The following NPAT variants were observed in gnomAD, a reference collection of about 807,000 sequenced individuals.
NPAT encodes the protein nuclear protein, coactivator of histone transcription, also known as protein NPAT.
A neutral mutation model predicts 130.7 loss-of-function variants in NPAT; 52 were observed. That is an observed-to-expected ratio of 0.40 (90% CI 0.32 to 0.50). The LOEUF (loss-of-function observed/expected upper bound fraction) is 0.50. Among genes scored for constraint, NPAT ranks in the 20% least tolerant of loss-of-function variants. The pLI, the probability that NPAT is intolerant of heterozygous loss-of-function variation, is 0.68. For missense variants in NPAT, 1,687 were observed against 1,662.6 expected (o/e 1.01, Z -0.26); for synonymous variants, 580 against 584.8 (o/e 0.99, Z 0.12).
intron 4 of NPAT, among the ~76,000 whole-genome samples, 191 bp from the exon 5 acceptor site, chr11:108,190,691 T>G (rs960947473): frequency 6.6e-6 from 1 of 152,212 alleles, no homozygotes; most frequent in Non-Finnish European, 1.5e-5. Context: ...AATAGTGGCA[T>G]GTAGACACAC....
intron 1 of NPAT, among the ~76,000 whole-genome samples, chr11:108,218,505 T>C (rs1386399575): frequency 1.3e-5 from 2 of 152,252 alleles, no homozygotes; most frequent in Non-Finnish European, 2.9e-5. Flanking sequence ...AAGCCGTACC[T>C]TATGTTGTCT....
chr11:108,192,659 A>G (rs568796429), intron 3 of NPAT, among the ~76,000 whole-genome samples: 2 of 152,276 alleles, frequency 1.3e-5, no homozygotes, highest in Admixed American at 1.3e-4. Context: ...GGGTTATTCT[A>G]AAGACTAAAT....
intron 1 of NPAT, among the ~76,000 whole-genome samples, chr11:108,207,294 A>ATTC (rs2078338225): frequency 6.6e-6 from 1 of 152,144 alleles, no homozygotes; most frequent in Non-Finnish European, 1.5e-5. Context: ...AGCACCATAA[A>ATTC]TTCTCACTCT....
intron 17 of NPAT, among the ~76,000 whole-genome samples, chr11:108,160,069 G>C (rs2077830766): frequency 1.3e-5 from 2 of 150,932 alleles, no homozygotes; most frequent in South Asian, 2.1e-4. Flanking sequence ...GGAATTGCTT[G>C]AACTCAGGAG....
rs148557498 is a variant in NPAT, at chr11:108,182,261, C to T, written c.906+2971G>A. On this transcript the variant is annotated intron_variant, in intron 10 of 17. Coordinates refer to ENST00000278612, the MANE Select transcript of NPAT (RefSeq NM_002519.3). ...AGTCTGCATATGTGACAGCCCCACTCATAGAATTGGTACTATTGACACAGG... is the reference window on the plus strand; with the variant it reads ...AGTCTGCATATGTGACAGCCCCACTTATAGAATTGGTACTATTGACACAGG... Among the ~76,000 whole-genome samples the T allele has an allele frequency of 7.7e-3, 1,179 of 152,240 alleles. 8 individuals are homozygous for T. The highest frequency in any genetic ancestry group is 0.024 in the African/African-American group (1,008 of 41,548).
intron 1 of NPAT, among the ~76,000 whole-genome samples, chr11:108,215,135 C>T (rs2078421103): frequency 1.3e-5 from 2 of 152,172 alleles, no homozygotes; most frequent in South Asian, 2.1e-4. Flanking sequence ...ACCTAGCTAT[C>T]TTCAACTCAT....
chr11:108,185,486 A>G lies in NPAT; in HGVS notation c.735T>C (p.Val245=). The change falls in exon 9 of 18, where the codon GTT becomes GTC. Residue 245 remains valine, a synonymous_variant. Coordinates refer to ENST00000278612, the MANE Select transcript of NPAT (RefSeq NM_002519.3). The stretch of plus-strand genomic sequence containing the variant: ...GTATTTTTTCTCGTGCATTTTCAAT[A>G]ACCATTTGCTGGAAAAGAAAGCCAC... ...PNAFAVEKQM[V]IENAREKILS... 3 of 1,607,292 alleles carry G rather than the reference A, an allele frequency of 1.9e-6. No homozygotes were observed. The highest frequency in any genetic ancestry group is 2.6e-6 in the Non-Finnish European group (3 of 1,174,840).
intron 15 of NPAT, among the ~76,000 whole-genome samples, chr11:108,168,338 TGATA>T (rs1032714996): frequency 2.1e-4 from 32 of 152,212 alleles, no homozygotes; most frequent in Admixed American, 1.6e-3. Context: ...TTTATGCAAG[TGATA>T]GATATCAAAT....
intron 4 of NPAT, among the ~76,000 whole-genome samples, 169 bp downstream of exon 4, chr11:108,191,949 T>A (rs865802275): frequency 4.6e-5 from 7 of 152,376 alleles, no homozygotes; most frequent in Middle Eastern, 3.4e-3. Context: ...AAGTATGCTA[T>A]TTATTTCAAA....
intron 1 of NPAT, among the ~76,000 whole-genome samples, chr11:108,215,755 T>C (rs1331256205): frequency 1.3e-5 from 2 of 152,234 alleles, no homozygotes; most frequent in African/African-American, 2.4e-5. Context: ...TCTCTACTTG[T>C]TGATGAATCT....
At position 108,188,151 on chromosome 11, in the gene NPAT, A is replaced by T. The variant is rs2078126986; in HGVS notation, c.585T>A (p.Gly195=). The T allele has an allele frequency of 6.2e-7, 1 of 1,613,306 alleles. No homozygotes were observed. Among genetic ancestry groups the T allele is most frequent in the African/African-American group, 1.3e-5 (1 of 74,804 alleles). The change falls in exon 7 of 18, where the codon GGT becomes GGA. Residue 195 remains glycine (G), a synonymous_variant. Coordinates refer to ENST00000278612, the MANE Select transcript of NPAT (RefSeq NM_002519.3). ...TTGEALNVIP[G]AQEKKAHASL... ...TGGCATGTGCTTTCTTTTCCTGAGC[A>T]CCAGGAATGACATTTAAAGCTTCTC...
At chr11:108,168,649 A>T (rs748920604) in intron 15 of NPAT, among the ~76,000 whole-genome samples, 20 of 152,188 alleles carry the variant, frequency 1.3e-4, no homozygotes, top group Non-Finnish European at 1.0e-4. Context: ...AAACCGGAAT[A>T]TCCACCTCAG....
intron 1 of NPAT, among the ~76,000 whole-genome samples, chr11:108,222,179 A>C (rs781371421): frequency 6.6e-6 from 1 of 152,210 alleles, no homozygotes; most frequent in Non-Finnish European, 1.5e-5. Context: ...TCCGTCCGTC[A>C]TGCAGACAAA....
At chr11:108,165,540 C>A (rs1398176439) in intron 15 of NPAT, among the ~76,000 whole-genome samples, 1 of 150,354 alleles carries the variant, frequency 6.7e-6, no homozygotes, top group Non-Finnish European at 1.5e-5. Context: ...GGACAGCCCA[C>A]TGCACTCTCA....
intron 15 of NPAT, among the ~76,000 whole-genome samples, chr11:108,166,032 C>G (rs974669126): frequency 1.3e-5 from 2 of 151,788 alleles, no homozygotes; most frequent in African/African-American, 4.8e-5. Flanking sequence ...ATCCACCTGT[C>G]TTGGCCTCCC....
chr11:108,183,940 C>G (rs1236929553), intron 10 of NPAT, among the ~76,000 whole-genome samples: 1 of 150,598 alleles, frequency 6.6e-6, no homozygotes, highest in Non-Finnish European at 1.5e-5. Context: ...AGCCACTGCA[C>G]TCAAGCCCGG....
intron 1 of NPAT, among the ~76,000 whole-genome samples, chr11:108,205,217 G>A (rs2078314250): frequency 6.6e-6 from 1 of 152,316 alleles, no homozygotes; most frequent in South Asian, 2.1e-4. Context: ...TTTGATTGTT[G>A]AAGAAAAAAG....
intron 1 of NPAT, among the ~76,000 whole-genome samples, chr11:108,199,391 T>G (rs2078253503): frequency 6.6e-6 from 1 of 152,146 alleles, no homozygotes; most frequent in Non-Finnish European, 1.5e-5. Context: ...GGCCCAGCAA[T>G]GAGCCTAGAG....
At chr11:108,195,110 C>A (rs1425587918) in intron 2 of NPAT, among the ~76,000 whole-genome samples, 2 of 152,106 alleles carry the variant, frequency 1.3e-5, no homozygotes, top group Non-Finnish European at 2.9e-5. Context: ...GTGTGAGCCA[C>A]CACACTTAGC....
Sources: gnomAD v4.1 joint callset for allele counts (sites outside exome capture counted in the v4.1 genomes callset) on GRCh38, gnomAD v4.1.1 for gene constraint, MANE v1.5 for transcripts, NCBI Gene and HGNC (gene_info 2026-07-23, HGNC 2026-07-21) for gene names.